GRID1: variants seen among roughly 807,000 people sequenced by gnomAD.
GRID1 encodes the protein glutamate receptor ionotropic, delta-1.
Under a neutral mutation model 98.0 loss-of-function variants are expected in GRID1, and 28 were observed. The observed-to-expected ratio is 0.29, with a 90% CI of 0.21 to 0.39. The LOEUF is 0.39. Ranked by LOEUF, GRID1 falls within the 10% of genes least tolerant of loss-of-function variation. The pLI, the probability that GRID1 is intolerant of heterozygous loss-of-function variation, is 1.00. For synonymous variants in GRID1, 553 were observed against 538.5 expected (o/e 1.03, Z -0.37); for missense variants, 1,111 against 1,340.5 (o/e 0.83, Z 2.67).
chr10:86,321,040 C>T (rs1182371244), intron 2 of GRID1, among the ~76,000 whole-genome samples: 1 of 147,638 alleles, frequency 6.8e-6, no homozygotes, highest in Non-Finnish European at 1.5e-5. Flanking sequence ...GCGGAGCTTG[C>T]AGTGAGCCAA....
intron 5 of GRID1, among the ~76,000 whole-genome samples, chr10:85,893,173 A>T (rs1424982876): frequency 6.6e-6 from 1 of 152,180 alleles, no homozygotes; most frequent in Non-Finnish European, 1.5e-5. Context: ...TATTTGGCAA[A>T]ATTCAAGATC....
At chr10:85,834,920 A>G (rs1293138242) in intron 8 of GRID1, among the ~76,000 whole-genome samples, 1 of 152,226 alleles carries the variant, frequency 6.6e-6, no homozygotes, top group East Asian at 1.9e-4. Context: ...AGATTTTTTA[A>G]AAATCCAACT....
chr10:86,100,308 C>T lies in GRID1; in HGVS notation c.726+38511G>A, dbSNP rs77386949. On this transcript the variant is annotated intron_variant, in intron 4 of 15. Coordinates refer to ENST00000327946, the MANE Select transcript of GRID1 (RefSeq NM_017551.3). ...CTTGTGTGCAGGACTGTATTTGAAA[C>T]ATGTCTCATATATCATCTCAATAAA... 3.3e-3 allele frequency among the ~76,000 whole-genome samples: 497 copies of T among 152,232 alleles called. 10 individuals carry two copies. The East Asian group carries it at 0.041, about 13-fold the overall frequency.
chr10:85,814,453 T>C (rs892575025), intron 8 of GRID1, among the ~76,000 whole-genome samples: 5 of 151,836 alleles, frequency 3.3e-5, no homozygotes, highest in African/African-American at 4.8e-5. Flanking sequence ...GCAGAAATGA[T>C]TGAAGTTAAA....
At chr10:85,730,604 C>A (rs917942589) in intron 8 of GRID1, among the ~76,000 whole-genome samples, 1 of 152,130 alleles carries the variant, frequency 6.6e-6, no homozygotes, top group Non-Finnish European at 1.5e-5. Context: ...TTTAAGGGGG[C>A]TTTATAATGA....
intron 2 of GRID1, among the ~76,000 whole-genome samples, chr10:86,239,212 T>C (rs1846587938): frequency 6.6e-6 from 1 of 152,260 alleles, no homozygotes; most frequent in Non-Finnish European, 1.5e-5. Context: ...GCTTTAAGAT[T>C]TAGTGACTGG....
At chr10:85,709,685 C>G (rs1841561476) in intron 12 of GRID1, among the ~76,000 whole-genome samples, 1 of 152,086 alleles carries the variant, frequency 6.6e-6, no homozygotes, top group South Asian at 2.1e-4. Context: ...TTCACTCACA[C>G]CGATAGTGCA....
intron 3 of GRID1, among the ~76,000 whole-genome samples, chr10:86,205,767 C>A (rs1477686198): frequency 1.3e-5 from 2 of 152,180 alleles, no homozygotes; most frequent in Non-Finnish European, 2.9e-5. Context: ...TCTCCAAAGC[C>A]CATTTTTGTG....
intron 2 of GRID1, among the ~76,000 whole-genome samples, chr10:86,244,694 A>C (rs533672056): frequency 6.6e-6 from 1 of 152,352 alleles, no homozygotes; most frequent in East Asian, 1.9e-4. Flanking sequence ...GACAGAGGGC[A>C]GCCATGGCCC....
intron 8 of GRID1, among the ~76,000 whole-genome samples, chr10:85,737,372 T>C (rs1841893284): frequency 6.6e-6 from 1 of 151,598 alleles, no homozygotes; most frequent in South Asian, 2.1e-4. Flanking sequence ...AGAAAGGCAA[T>C]GAAAACCAGC....
At chr10:85,864,505 T>C (rs1288334498) in intron 6 of GRID1, among the ~76,000 whole-genome samples, 1 of 152,234 alleles carries the variant, frequency 6.6e-6, no homozygotes, top group Non-Finnish European at 1.5e-5. Context: ...CGCAATTGTC[T>C]CCGACAAAGC....
At chr10:85,767,038 C>T (rs1055987832) in intron 8 of GRID1, among the ~76,000 whole-genome samples, 2 of 152,048 alleles carry the variant, frequency 1.3e-5, no homozygotes, top group East Asian at 1.9e-4. Context: ...GTCAAATCCA[C>T]GTCTGTCATT....
chr10:86,362,317 C>T (rs1354963467), intron 2 of GRID1, among the ~76,000 whole-genome samples: 1 of 152,208 alleles, frequency 6.6e-6, no homozygotes, highest in Non-Finnish European at 1.5e-5. Context: ...CCACCCCAAG[C>T]ACCTGCAAGG....
intron 4 of GRID1, among the ~76,000 whole-genome samples, chr10:85,936,418 T>A (rs983568266): frequency 2.0e-5 from 3 of 152,218 alleles, no homozygotes; most frequent in Non-Finnish European, 4.4e-5. Flanking sequence ...CGCATTTGCA[T>A]TGTTTGTAAA....
chr10:85,634,998 G>GGAAA (rs1843019122), intron 13 of GRID1, among the ~76,000 whole-genome samples: 1 of 35,008 alleles, frequency 2.9e-5, no homozygotes, highest in African/African-American at 9.2e-5. Flanking sequence ...GAGGAAATCT[G>GGAAA]AAAAAAAAAA....
intron 5 of GRID1, among the ~76,000 whole-genome samples, chr10:85,906,002 C>G (rs577290621): frequency 6.6e-6 from 1 of 151,786 alleles, no homozygotes; most frequent in Non-Finnish European, 1.5e-5. Flanking sequence ...AGTGCTGCCT[C>G]CAGGAAATAT....
intron 3 of GRID1, among the ~76,000 whole-genome samples, chr10:86,205,787 C>A (rs746189416): frequency 1.3e-5 from 2 of 152,192 alleles, no homozygotes; most frequent in Non-Finnish European, 2.9e-5. Context: ...GGTTTCCTAA[C>A]AAGCAAATTA....
intron 4 of GRID1, among the ~76,000 whole-genome samples, chr10:86,108,861 T>G (rs1844433206): frequency 1.3e-5 from 2 of 152,128 alleles, no homozygotes; most frequent in Non-Finnish European, 1.5e-5. Flanking sequence ...GATCACTCAG[T>G]TTTCCTGAGT....
chr10:86,008,538 C>T (rs1414176350), intron 4 of GRID1, among the ~76,000 whole-genome samples: 1 of 152,024 alleles, frequency 6.6e-6, no homozygotes, highest in Non-Finnish European at 1.5e-5. Flanking sequence ...ATATAAAGAG[C>T]TTCTATAAAT....
Sources: allele counts gnomAD v4.1 joint callset (sites outside exome capture counted in the v4.1 genomes callset), GRCh38; gene constraint gnomAD v4.1.1; transcripts MANE v1.5; gene names NCBI Gene and HGNC (gene_info 2026-07-23, HGNC 2026-07-21).